The following KIFAP3 variants were observed in gnomAD, a reference collection of about 807,000 sequenced individuals.
The protein encoded by KIFAP3 is kinesin associated protein 3.
KIFAP3 carries 68 observed loss-of-function variants against 106.5 expected under a neutral mutation model. The ratio of observed to expected loss-of-function variants is 0.64; its 90% CI spans 0.53 to 0.78. The LOEUF is 0.78. Ranked by LOEUF, KIFAP3 falls within the 30% of genes least tolerant of loss-of-function variation. KIFAP3 has a pLI of 0.00. For missense variants in KIFAP3, 780 were observed against 941.8 expected (o/e 0.83, Z 2.25); for synonymous variants, 320 against 311.5 (o/e 1.03, Z -0.29).
chr1:170,066,720 G>A (rs1253780443), intron 1 of KIFAP3, among the ~76,000 whole-genome samples: 2 of 152,222 alleles, frequency 1.3e-5, no homozygotes, highest in Admixed American at 1.3e-4. Context: ...CAGTGGCTCT[G>A]GTAAAGCTCC....
At chr1:169,965,260 T>C (rs1206422684) in intron 17 of KIFAP3, among the ~76,000 whole-genome samples, 1 of 152,058 alleles carries the variant, frequency 6.6e-6, no homozygotes, top group Non-Finnish European at 1.5e-5. Flanking sequence ...TTCATTTTGG[T>C]AGAAAAATTT....
In KIFAP3 at chr1:169,984,678, G is replaced by C. The variant is rs1172922194; in HGVS notation, c.1297C>G (p.Leu433Val). The C allele has an allele frequency of 1.9e-6, 3 of 1,593,010 alleles. No individual in the cohort carries two copies. Among genetic ancestry groups the C allele is most frequent in the Admixed American group, 3.4e-5 (2 of 59,062 alleles). ...ATTCGTTCATCTGAACATTCAAACA[G>C]CATCTTCATTAACTAGCAAGAAGCA... ...TDCIPQLMKM[L>V]FECSDERIDL... Residue 433 changes from leucine (L) to valine (V), a missense_variant, in exon 12 of 20, where the codon CTG (leucine) becomes GTG (valine). By Grantham distance (32) the Leu-to-Val change is conservative. This residue lies in a region of KIFAP3 where 588 missense variants were observed against 678.9 expected (regional missense o/e 0.87). Transcript: ENST00000361580.
chr1:170,066,115 T>C (rs992790595), intron 1 of KIFAP3, among the ~76,000 whole-genome samples: 5 of 151,972 alleles, frequency 3.3e-5, no homozygotes, highest in East Asian at 1.9e-4. Flanking sequence ...CTTTTTTTTT[T>C]CACAAGGTAT....
intron 19 of KIFAP3, among the ~76,000 whole-genome samples, chr1:169,938,153 C>T (rs1300369168): frequency 1.3e-5 from 2 of 151,744 alleles, no homozygotes; most frequent in Admixed American, 6.6e-5. Context: ...TAAAATTTTT[C>T]TATGATAGAG....
upstream of KIFAP3, among the ~76,000 whole-genome samples, chr1:170,075,469 A>G (rs1172161711): frequency 2.0e-5 from 3 of 152,094 alleles, no homozygotes; most frequent in South Asian, 6.2e-4. Context: ...TCACTTATTC[A>G]CTGTCTTCTA....
intron 5 of KIFAP3, among the ~76,000 whole-genome samples, chr1:170,037,596 G>A (rs995573984): frequency 2.0e-5 from 3 of 151,806 alleles, no homozygotes; most frequent in African/African-American, 7.3e-5. Flanking sequence ...CACACACAAG[G>A]AGTGGTGGCA....
intron 2 of KIFAP3, among the ~76,000 whole-genome samples, chr1:170,048,119 A>G (rs1156443473): frequency 6.6e-6 from 1 of 152,168 alleles, no homozygotes; most frequent in Non-Finnish European, 1.5e-5. Context: ...ATTCCAGCAG[A>G]ATGACTTAGA....
chr1:170,036,532 A>G (rs1465008268), intron 5 of KIFAP3, among the ~76,000 whole-genome samples: 1 of 152,118 alleles, frequency 6.6e-6, no homozygotes, highest in East Asian at 1.9e-4. Context: ...CATGCTTTGA[A>G]AAAAATTATT....
At chr1:169,982,613 A>G in intron 14 of KIFAP3, 89 bp downstream of exon 14, 2 of 850,882 alleles carry the variant, frequency 2.4e-6, no homozygotes, top group Non-Finnish European at 3.4e-6. Context: ...TAACATAATA[A>G]TAGTCACACA....
At chr1:169,969,347 C>T (rs964861786) in intron 17 of KIFAP3, among the ~76,000 whole-genome samples, 1 of 151,880 alleles carries the variant, frequency 6.6e-6, no homozygotes, top group African/African-American at 2.4e-5. Context: ...TTAATAAGAC[C>T]ACCTTTTCTC....
At chr1:170,060,767 A>G (rs1264457226) in intron 1 of KIFAP3, among the ~76,000 whole-genome samples, 1 of 152,230 alleles carries the variant, frequency 6.6e-6, no homozygotes, top group Non-Finnish European at 1.5e-5. Flanking sequence ...ACTATACTAC[A>G]AGGCTACAGT....
At chr1:169,952,366 TA>T (rs1281347824) in intron 19 of KIFAP3, among the ~76,000 whole-genome samples, 1 of 152,032 alleles carries the variant, frequency 6.6e-6, no homozygotes, top group Non-Finnish European at 1.5e-5. Context: ...TGGAATATAA[TA>T]AAATATAATT....
intron 2 of KIFAP3, among the ~76,000 whole-genome samples, chr1:170,048,459 A>G (rs1670385197): frequency 6.6e-6 from 1 of 152,072 alleles, no homozygotes; most frequent in Admixed American, 6.6e-5. Flanking sequence ...ATTATGAGTA[A>G]AACTGCTATA....
At chr1:170,032,031 AT>A (rs1325972333) in intron 7 of KIFAP3, 47 bp from the exon 8 acceptor site, 1 of 1,040,638 alleles carries the variant, frequency 9.6e-7, no homozygotes. Flanking sequence ...AGCAAAAAAA[AT>A]CTACTGATAA....
intron 1 of KIFAP3, among the ~76,000 whole-genome samples, chr1:170,066,898 T>C (rs1054108806): frequency 6.6e-6 from 1 of 152,150 alleles, no homozygotes; most frequent in African/African-American, 2.4e-5. Context: ...AAATAAAATA[T>C]AATCTTCTCT....
At chr1:169,931,525 T>C (rs935681512) in intron 19 of KIFAP3, among the ~76,000 whole-genome samples, 1 of 152,176 alleles carries the variant, frequency 6.6e-6, no homozygotes, top group Non-Finnish European at 1.5e-5. Flanking sequence ...TAACTTACAT[T>C]TCTTCCATTA....
chr1:170,033,882 T>C lies in KIFAP3; in HGVS notation c.742+490A>G, dbSNP rs1669544921. ...TACCTAAGTTTCCTTTCACAGGTTCTATTATTCTATAGGCCTTTCAAATTT... is the reference window on the plus strand; with the variant it reads ...TACCTAAGTTTCCTTTCACAGGTTCCATTATTCTATAGGCCTTTCAAATTT... On this transcript the variant is annotated intron_variant, in intron 7 of 19. Transcript: ENST00000361580. Among the ~76,000 whole-genome samples, 6 of 152,008 alleles carry C rather than the reference T, an allele frequency of 3.9e-5. No homozygotes were observed. In the South Asian group the frequency reaches 1.2e-3, roughly 31 times the overall value.
upstream of KIFAP3, among the ~76,000 whole-genome samples, chr1:170,078,288 G>T (rs2050651): frequency 0.26 from 38,731 of 151,506 alleles, 6,003 homozygotes; most frequent in East Asian, 0.48. Context: ...GATTTTAATT[G>T]AATTTCCCTG....
intron 1 of KIFAP3, among the ~76,000 whole-genome samples, chr1:170,063,719 T>C (rs995434023): frequency 3.9e-5 from 6 of 152,218 alleles, no homozygotes. Context: ...TGAGCTATTT[T>C]TACATCGATA....
Sources: allele counts gnomAD v4.1 joint callset (sites outside exome capture counted in the v4.1 genomes callset), GRCh38; gene constraint gnomAD v4.1.1; regional missense constraint gnomAD v4.1.1; transcripts MANE v1.5; gene names NCBI Gene and HGNC (gene_info 2026-07-23, HGNC 2026-07-21).